PTPRN: variants seen among roughly 807,000 people sequenced by gnomAD.
PTPRN encodes the protein receptor-type tyrosine-protein phosphatase-like N.
In PTPRN, 70 loss-of-function variants were observed where a neutral mutation model predicts 108.5. That is an observed-to-expected ratio of 0.65 (90% confidence interval 0.53 to 0.79). PTPRN has a LOEUF of 0.79. Ranked by LOEUF, PTPRN falls within the 30% of genes least tolerant of loss-of-function variation. The pLI is 0.00. For missense variants in PTPRN, 1,136 were observed against 1,295.5 expected, an observed-to-expected ratio of 0.88 and a Z score of 1.89; for synonymous variants, 496 against 524.6, an observed-to-expected ratio of 0.95 and a Z score of 0.75.
At chr2:219,293,730 GA>G (rs1268844190) in intron 19 of PTPRN, among the ~76,000 whole-genome samples, 7 of 151,876 alleles carry the variant, frequency 4.6e-5, no homozygotes, top group African/African-American at 1.7e-4. Context: ...CTGAGGTTCA[GA>G]AACTATACCC....
At position 219,296,667 on chromosome 2, in the gene PTPRN, G is replaced by A. The variant is rs1432825823; in HGVS notation, c.2310+82C>T. 6.4e-7 allele frequency: 1 copy of A among 1,571,548 alleles called. No homozygotes were observed. The highest frequency in any genetic ancestry group is 1.4e-5 in the African/African-American group (1 of 73,900). On this transcript the variant is annotated intron_variant, in intron 16 of 22. Transcript: ENST00000295718. This position sits in a 1 kb window ranked among gnomAD's most constrained non-coding sequence, Gnocchi z 6.0. ...ACCACTCCAGGGGGTTGGTGGGGTGGCAGGTGACCACGGGGAAATGGAGTG... is the reference window on the plus strand; with the variant it reads ...ACCACTCCAGGGGGTTGGTGGGGTGACAGGTGACCACGGGGAAATGGAGTG...
chr2:219,306,346 T>C (rs555070160), intron 3 of PTPRN, among the ~76,000 whole-genome samples: 1 of 152,318 alleles, frequency 6.6e-6, no homozygotes, highest in African/African-American at 2.4e-5. Context: ...GTTATTGTGG[T>C]AGTTTTTGTT....
In PTPRN at chr2:219,290,955, G is replaced by A. The variant is rs1167879600; in HGVS notation, c.2730-65C>T. 2 of 1,534,624 alleles carry A rather than the reference G, an allele frequency of 1.3e-6. No homozygotes were observed. The highest frequency in any genetic ancestry group is 2.2e-5 in the East Asian group (1 of 44,458). On this transcript the variant is annotated intron_variant, in intron 20 of 22. Coordinates refer to ENST00000295718, the MANE Select transcript of PTPRN (RefSeq NM_002846.4). This position sits in a 1 kb window ranked among gnomAD's most constrained non-coding sequence, Gnocchi z 4.2. ...GCAGAAAGGGGGAGGGACGGAGGAG[G>A]CGAGGAGGCCTGGAGGCCTGGGGGA...
chr2:219,303,351 T>G (rs1952405006), intron 4 of PTPRN, among the ~76,000 whole-genome samples: 1 of 152,216 alleles, frequency 6.6e-6, no homozygotes, highest in Non-Finnish European at 1.5e-5. Flanking sequence ...AATGATGCCT[T>G]TAGAGGCCCT....
intron 19 of PTPRN, chr2:219,292,430 G>C (rs1256946893): frequency 1.3e-5 from 2 of 152,356 alleles, no homozygotes; most frequent in African/African-American, 2.4e-5. Context: ...AACCAGGGAA[G>C]ACCTTCTTAG....
chr2:219,294,064 A>G (rs1016028869), intron 19 of PTPRN: 1 of 520,610 alleles, frequency 1.9e-6, no homozygotes, highest in South Asian at 1.4e-5. Context: ...CCTTGCTCCC[A>G]GCTCGGGGTG....
In PTPRN at chr2:219,294,985, C is replaced by T; in HGVS notation, c.2665G>A (p.Asp889Asn). Residue 889 changes from aspartate (D) to asparagine (N), a missense_variant, in exon 19 of 23, where the codon GAC becomes AAC. Physicochemically the swap from Asp to Asn is conservative, Grantham distance 23. Transcript: ENST00000295718. ...GGCGCCCGCGCTCACCTGCGGAAGTCCAGCAGGGGCCGCGTGGAGGCCGGT... is the reference window on the plus strand; with the variant it reads ...GGCGCCCGCGCTCACCTGCGGAAGTTCAGCAGGGGCCGCGTGGAGGCCGGT... ...GTPASTRPLL[D>N]FRRKVNKCYR... The T allele has an allele frequency of 6.3e-7, 1 of 1,592,904 alleles. No individual in the cohort carries two copies. Among genetic ancestry groups the T allele is most frequent in the Non-Finnish European group, 8.5e-7 (1 of 1,170,778 alleles).
rs1346371894 is a variant in PTPRN at position 219,299,786 on chromosome 2, C to T, written c.1437G>A (p.Lys479=). Residue 479 remains lysine, a splice_region_variant and synonymous_variant, in exon 10 of 23, where the codon AAG becomes AAA. Coordinates refer to ENST00000295718, the MANE Select transcript of PTPRN (RefSeq NM_002846.4). ...EEYGYIVTDQ[K]PLSLAAGVKL... ...TCACTCCTGCAGCCAGGCTCAGGGGCCTGGAGATGGGAGAAGGCAGAGGAA... is the reference window on the plus strand; with the variant it reads ...TCACTCCTGCAGCCAGGCTCAGGGGTCTGGAGATGGGAGAAGGCAGAGGAA... 2 of 1,605,856 alleles carry T rather than the reference C, an allele frequency of 1.2e-6. No homozygotes were observed. Among genetic ancestry groups the T allele is most frequent in the Non-Finnish European group, 1.7e-6 (2 of 1,174,734 alleles).
chr2:219,307,458 T>A lies in PTPRN; in HGVS notation c.266A>T (p.Gln89Leu). Residue 89 changes from glutamine (Q) to leucine (L), a missense_variant, in exon 3 of 23, where the codon CAA (glutamine) becomes CTA (leucine). Physicochemically the swap from Gln to Leu is moderately radical, Grantham distance 113 (BLOSUM62 -2). Coordinates refer to ENST00000295718, the MANE Select transcript of PTPRN (RefSeq NM_002846.4). Reference protein sequence around the residue: ...VLQRLQGVLRQLMSQGLSWHD... With the variant: ...VLQRLQGVLRLLMSQGLSWHD... The stretch of plus-strand genomic sequence containing the variant: ...CCAGACCTTACCTTGGGACATGAGT[T>A]GTCGGAGCACACCTTGTAAGCGTTG... The A allele has an allele frequency of 6.2e-7, 1 of 1,614,066 alleles. No individual in the cohort carries two copies. Among genetic ancestry groups the A allele is most frequent in the South Asian group, 1.1e-5 (1 of 91,044 alleles).
chr2:219,297,428 C>G lies in PTPRN; in HGVS notation c.1893G>C (p.Leu631=). The part of the protein sequence containing the change: ...HGDTTFEYQD[L]CRQHMATKSL... The stretch of plus-strand genomic sequence containing the variant: ...ACTTCGTGGCCATGTGCTGGCGGCA[C>G]AGGTCCTGTGGAGGAAGAATCAGGT... The change falls in exon 14 of 23, where the codon CTG becomes CTC. Residue 631 remains leucine, a synonymous_variant. Transcript: ENST00000295718. This position sits in a 1 kb window ranked among gnomAD's most constrained non-coding sequence, Gnocchi z 6.0. 1.9e-6 allele frequency: 3 copies of G among 1,614,098 alleles called. No homozygotes were observed. The highest frequency in any genetic ancestry group is 2.2e-5 in the East Asian group (1 of 44,872).
rs1190607895 is a variant in PTPRN, at chr2:219,301,795, G to C, written c.995-76C>G. On this transcript the variant is annotated intron_variant, in intron 6 of 22. Coordinates refer to ENST00000295718, the MANE Select transcript of PTPRN (RefSeq NM_002846.4). ...GGGATGCAGATGAGTGAGTGAGGGT[G>C]GGAAGGGACTAGCATGTTAAGAGAG... is the stretch of plus-strand genomic sequence containing the variant. 4.0e-6 allele frequency: 6 copies of C among 1,503,748 alleles called. No homozygotes were observed. The East Asian group carries it at 9.2e-5, about 23-fold the overall frequency. 93.2% of individuals were successfully genotyped at this position (1,503,748 alleles called of 1,614,324 possible). A position where few individuals can be genotyped will look rare whatever the true frequency, so the allele number is the denominator to read the frequency against.
At chr2:219,298,929 A>G (rs1203419341) in intron 12 of PTPRN, 118 bp downstream of exon 12, 25 of 1,256,746 alleles carry the variant, frequency 2.0e-5, no homozygotes, top group Non-Finnish European at 2.8e-5. Flanking sequence ...GGCCGCCTCC[A>G]GCCAGCCGTG....
Position 219,302,281 on chromosome 2 carries a change from C to G in PTPRN, c.850G>C (p.Glu284Gln). 1 of 1,614,188 alleles carries G rather than the reference C, an allele frequency of 6.2e-7. No individual in the cohort carries two copies. Among genetic ancestry groups the G allele is most frequent in the East Asian group, 2.2e-5 (1 of 44,874 alleles). Reference sequence around the variant, plus strand: ...CTGGCCCTGCTGGGTGCTGGCAACTCCTGGGCCAGATAGAGCAGCCCAGAG... The same window carrying G: ...CTGGCCCTGCTGGGTGCTGGCAACTGCTGGGCCAGATAGAGCAGCCCAGAG... ...QDSGLLYLAQ[E>Q]LPAPSRARVP... Residue 284 changes from glutamate to glutamine, a missense_variant, in exon 6 of 23, where the codon GAG (glutamate) becomes CAG (glutamine). Glu to Gln is a conservative substitution (Grantham distance 29). Transcript: ENST00000295718.
rs549792444 is a variant in PTPRN at position 219,307,918 on chromosome 2, C to T, written c.116-76G>A. 1.0e-3 allele frequency: 1,413 copies of T among 1,415,776 alleles called. 2 individuals carry two copies. Among genetic ancestry groups the T allele is most frequent in the Non-Finnish European group, 1.2e-3 (1,157 of 1,003,836 alleles). 87.7% of individuals were successfully genotyped at this position (1,415,776 alleles called of 1,614,324 possible). ...GGCAGATGGGTGGACAGGCTGGGAA[C>T]GGGAGAAGCAGATGCAATTTATTCT... On this transcript the variant is annotated intron_variant, in intron 1 of 22. Transcript: ENST00000295718.
At chr2:219,300,700 G>C (rs923203316) in intron 8 of PTPRN, among the ~76,000 whole-genome samples, 1 of 152,190 alleles carries the variant, frequency 6.6e-6, no homozygotes. Flanking sequence ...AATCCTCAGA[G>C]CATGGTCTGA....
At chr2:219,305,831 T>C (rs908927641) in intron 3 of PTPRN, among the ~76,000 whole-genome samples, 1 of 152,150 alleles carries the variant, frequency 6.6e-6, no homozygotes, top group Admixed American at 6.6e-5. Context: ...ACATCTCCAC[T>C]GATTCAGTTA....
intron 6 of PTPRN, 104 bp downstream of exon 6, chr2:219,302,033 C>G: frequency 1.8e-6 from 2 of 1,101,200 alleles, no homozygotes; most frequent in Admixed American, 5.4e-5. Flanking sequence ...GTATGAATGA[C>G]TTTAAGGACA....
intron 1 of PTPRN, chr2:219,308,055 C>G: frequency 1.7e-6 from 1 of 575,686 alleles, no homozygotes; most frequent in Non-Finnish European, 3.1e-6. Flanking sequence ...AGTCTGTATC[C>G]TTAAAAGCCT....
rs777652130 is a variant in PTPRN at position 219,291,481 on chromosome 2, G to A, written c.2718C>T (p.Ile906=). The A allele has an allele frequency of 6.2e-6, 10 of 1,613,932 alleles. No individual in the cohort carries two copies. The highest frequency in any genetic ancestry group is 4.0e-5 in the African/African-American group (3 of 74,908). The part of the protein sequence containing the change: ...KCYRGRSCPI[I]VHCSDGAGRT... ...TCCTCTCCACCCACCTGCAGTGCACGATGATGGGGCAGGAGCGGCCCCGGT... is the reference window on the plus strand; with the variant it reads ...TCCTCTCCACCCACCTGCAGTGCACAATGATGGGGCAGGAGCGGCCCCGGT... The change falls in exon 20 of 23, where the codon ATC becomes ATT. Residue 906 remains isoleucine, a synonymous_variant. Coordinates refer to ENST00000295718, the MANE Select transcript of PTPRN (RefSeq NM_002846.4).
Sources: gnomAD v4.1 joint callset for allele counts (sites outside exome capture counted in the v4.1 genomes callset) on GRCh38, gnomAD v4.1.1 for gene constraint, Gnocchi (gnomAD v3.1) non-coding constraint, MANE v1.5 for transcripts, NCBI Gene and HGNC (gene_info 2026-07-23, HGNC 2026-07-21) for gene names.